The following KAT14 variants were observed in gnomAD, a reference collection of about 807,000 sequenced individuals.
KAT14 encodes the protein cysteine-rich protein 2-binding protein.
Under a neutral mutation model 78.4 loss-of-function variants are expected in KAT14, and 66 were observed. That is an observed-to-expected ratio of 0.84 (90% CI 0.69 to 1.03). The LOEUF is 1.03. KAT14 is among the 50% of genes least tolerant of loss of function. KAT14 has a pLI of 0.00. For synonymous variants in KAT14, 344 were observed against 359.4 expected (o/e 0.96, Z 0.48); for missense variants, 870 against 972.5 (o/e 0.89, Z 1.40).
chr20:18,142,649 G>T lies in KAT14; in HGVS notation c.-12G>T, dbSNP rs200020627. 7.7e-5 allele frequency: 124 copies of T among 1,613,586 alleles called. No homozygotes were observed. The highest frequency in any genetic ancestry group is 1.7e-5 in the Admixed American group (1 of 59,992). ...TACTGAGAAGCACTGCCGAGCTTGT[G>T]AGAAGGAAGGGATGGATAGTAGCAT... On this transcript the variant is annotated 5_prime_UTR_variant, in exon 2 of 11. Coordinates refer to ENST00000688188, the MANE Select transcript of KAT14 (RefSeq NM_001392073.1).
At chr20:18,139,883 C>G (rs1191410797) in intron 1 of KAT14, among the ~76,000 whole-genome samples, 3 of 152,152 alleles carry the variant, frequency 2.0e-5, no homozygotes, top group Non-Finnish European at 4.4e-5. Flanking sequence ...CTGTAATCCT[C>G]ACAGTAACCT....
chr20:18,148,810 A>T (rs2037928175), intron 3 of KAT14, among the ~76,000 whole-genome samples: 2 of 151,846 alleles, frequency 1.3e-5, no homozygotes, highest in Non-Finnish European at 2.9e-5. Context: ...GGGTTTCACC[A>T]TGTTGGCCAG....
chr20:18,172,129 T>A (rs191706353), intron 7 of KAT14, among the ~76,000 whole-genome samples: 1 of 151,792 alleles, frequency 6.6e-6, no homozygotes, highest in Non-Finnish European at 1.5e-5. Context: ...TGAGACAGAG[T>A]CTCACTCTGT....
At chr20:18,180,569 A>G (rs2039210807) in intron 7 of KAT14, among the ~76,000 whole-genome samples, 2 of 152,182 alleles carry the variant, frequency 1.3e-5, no homozygotes, top group Admixed American at 6.5e-5. Context: ...CCAATTTATT[A>G]TATTAGTCTG....
chr20:18,175,619 A>G (rs1264719632), intron 7 of KAT14, among the ~76,000 whole-genome samples: 1 of 152,092 alleles, frequency 6.6e-6, no homozygotes, highest in Admixed American at 6.6e-5. Flanking sequence ...TTGTGTTTAG[A>G]ATTAGAAGTA....
At chr20:18,173,278 AT>A (rs1167326697) in intron 7 of KAT14, among the ~76,000 whole-genome samples, 4 of 152,096 alleles carry the variant, frequency 2.6e-5, no homozygotes, top group Non-Finnish European at 5.9e-5. Context: ...GCCTTCAGCA[AT>A]TTTCAGTTCT....
At chr20:18,183,723 C>T (rs1180756521) in intron 9 of KAT14, 5 of 180,400 alleles carry the variant, frequency 2.8e-5, no homozygotes, top group Non-Finnish European at 4.3e-5. Flanking sequence ...TTTTTAAAAG[C>T]CAAATGCCCT....
intron 7 of KAT14, among the ~76,000 whole-genome samples, chr20:18,179,757 C>CA (rs1052716157): frequency 6.6e-6 from 1 of 152,154 alleles, no homozygotes; most frequent in African/African-American, 2.4e-5. Flanking sequence ...ACTTTCTCCT[C>CA]AAAAAATAGG....
At chr20:18,151,176 C>G (rs1015683565) in intron 4 of KAT14, among the ~76,000 whole-genome samples, 2 of 151,798 alleles carry the variant, frequency 1.3e-5, no homozygotes, top group South Asian at 4.2e-4. Context: ...AGGTGTGCAC[C>G]AACATGCCTG....
At chr20:18,145,111 T>C in intron 2 of KAT14, 122 bp from the exon 3 acceptor site, 1 of 1,430,296 alleles carries the variant, frequency 7.0e-7, no homozygotes, top group Non-Finnish European at 9.2e-7. Flanking sequence ...TTTGCAATTG[T>C]GGGTTGGCTG....
In KAT14 at chr20:18,159,236, A is replaced by G; in HGVS notation, c.653A>G (p.Lys218Arg). Residue 218 changes from lysine to arginine, a missense_variant, in exon 5 of 11, where the codon AAG becomes AGG. Physicochemically the swap from Lys to Arg is conservative, Grantham distance 26 (BLOSUM62 2). Coordinates refer to ENST00000688188, the MANE Select transcript of KAT14 (RefSeq NM_001392073.1). ...CCAACGATGAAACCTGAAGGAGAGA[A>G]GTTGTCTGCCTCTACTTTGAAAATA... Reference protein sequence around the residue: ...KPPTMKPEGEKLSASTLKIKA... With the variant: ...KPPTMKPEGERLSASTLKIKA... 1 of 1,614,094 alleles carries G rather than the reference A, an allele frequency of 6.2e-7. No individual in the cohort carries two copies. Among genetic ancestry groups the G allele is most frequent in the Non-Finnish European group, 8.5e-7 (1 of 1,180,016 alleles).
At chr20:18,184,835 C>T in intron 10 of KAT14, 43 bp downstream of exon 10, 4 of 1,552,788 alleles carry the variant, frequency 2.6e-6, no homozygotes, top group Non-Finnish European at 3.5e-6. Context: ...TGTCTGGGCT[C>T]CCCTGAACAA....
In KAT14 at chr20:18,161,675, G is replaced by A. The variant is rs187361650; in HGVS notation, c.683-148G>A. The A allele has an allele frequency of 2.2e-4, 258 of 1,157,284 alleles. 1 individual carries two copies. In the African/African-American group the frequency reaches 3.3e-3, roughly 15 times the overall value. 71.7% of individuals were successfully genotyped at this position (1,157,284 alleles called of 1,614,324 possible). A position where few individuals can be genotyped will look rare whatever the true frequency, so the allele number is the denominator to read the frequency against. On this transcript the variant is annotated intron_variant, in intron 5 of 10. Transcript: ENST00000688188. ...AGGAAATGCTCATTTGCAGCATTTC[G>A]GATTTTGTATTTCTGGGTTTGGGAT...
intron 3 of KAT14, among the ~76,000 whole-genome samples, chr20:18,146,550 T>C (rs942897306): frequency 6.6e-6 from 1 of 152,086 alleles, no homozygotes; most frequent in Non-Finnish European, 1.5e-5. Flanking sequence ...TCCCAGCTAC[T>C]TGGGAGGCTG....
chr20:18,154,651 G>A (rs1375921411), intron 4 of KAT14, among the ~76,000 whole-genome samples: 1 of 152,162 alleles, frequency 6.6e-6, no homozygotes, highest in African/African-American at 2.4e-5. Context: ...GTTGATTGAA[G>A]TGTAGATACT....
In KAT14 at chr20:18,186,011, G is replaced by C. The variant is rs149234225; in HGVS notation, c.2172+1219G>C. Among the ~76,000 whole-genome samples the C allele has an allele frequency of 2.0e-5, 3 of 152,292 alleles. No individual in the cohort carries two copies. In the East Asian group the frequency reaches 5.8e-4, roughly 29 times the overall value. ...CTCTGCCCCATCCCAACCAAGAGTT[G>C]ATCTCTCAGTATGCGTCTTTTTAAC... is the stretch of plus-strand genomic sequence containing the variant. On this transcript the variant is annotated intron_variant, in intron 10 of 10. Coordinates refer to ENST00000688188, the MANE Select transcript of KAT14 (RefSeq NM_001392073.1).
intron 3 of KAT14, among the ~76,000 whole-genome samples, chr20:18,146,997 C>T (rs1441401594): frequency 1.3e-5 from 2 of 152,120 alleles, no homozygotes; most frequent in African/African-American, 2.4e-5. Context: ...AGACAGCTGA[C>T]ATTCTATACT....
At chr20:18,174,818 C>T (rs1345698349) in intron 7 of KAT14, among the ~76,000 whole-genome samples, 4 of 151,906 alleles carry the variant, frequency 2.6e-5, no homozygotes, top group Non-Finnish European at 5.9e-5. Flanking sequence ...TGCCCGCCAC[C>T]ACACCCAGCT....
intron 7 of KAT14, among the ~76,000 whole-genome samples, chr20:18,166,678 C>G (rs994977033): frequency 6.6e-6 from 1 of 152,226 alleles, no homozygotes; most frequent in Non-Finnish European, 1.5e-5. Flanking sequence ...GGGATCTCCC[C>G]TCTCTGGAGA....
Sources: allele counts gnomAD v4.1 joint callset (sites outside exome capture counted in the v4.1 genomes callset), GRCh38; gene constraint gnomAD v4.1.1; transcripts MANE v1.5; gene names NCBI Gene and HGNC (gene_info 2026-07-23, HGNC 2026-07-21).